The following CTNNA2 variants were observed in gnomAD, a reference collection of about 807,000 sequenced individuals.
CTNNA2 encodes the protein catenin alpha-2.
In CTNNA2, 42 loss-of-function variants were observed where a neutral mutation model predicts 101.0. That is an observed-to-expected ratio of 0.42 (90% CI 0.32 to 0.54). The LOEUF (loss-of-function observed/expected upper bound fraction) is 0.54, where lower values mean the gene tolerates loss of function less well. Among genes scored for constraint, CTNNA2 ranks in the 20% least tolerant of loss-of-function variants. The pLI is 0.14. For synonymous variants in CTNNA2, 450 were observed against 456.4 expected, an observed-to-expected ratio of 0.99 and a Z score of 0.18; for missense variants, 871 against 1,223.1, an observed-to-expected ratio of 0.71 and a Z score of 4.29.
chr2:80,525,205 T>G (rs1031349541), intron 9 of CTNNA2, among the ~76,000 whole-genome samples: 2 of 152,036 alleles, frequency 1.3e-5, no homozygotes, highest in African/African-American at 4.8e-5. Context: ...TAGAGTTTTT[T>G]TTTTTTAATA....
At chr2:79,808,407 T>C (rs1397918510) in intron 3 of CTNNA2, among the ~76,000 whole-genome samples, 2 of 152,192 alleles carry the variant, frequency 1.3e-5, no homozygotes, top group Non-Finnish European at 2.9e-5. Context: ...CAAAAATGGT[T>C]GGGCTCTACT....
chr2:79,495,434 T>A (rs2104568684), intron 4 of CTNNA2, among the ~76,000 whole-genome samples: 1 of 152,278 alleles, frequency 6.6e-6, no homozygotes, highest in African/African-American at 2.4e-5. Context: ...AAATCACACC[T>A]ATTAGGATGG....
At chr2:80,289,771 G>A (rs150953663) in intron 7 of CTNNA2, among the ~76,000 whole-genome samples, 25 of 152,300 alleles carry the variant, frequency 1.6e-4, no homozygotes, top group African/African-American at 6.0e-4. Flanking sequence ...ACTTGGGTCA[G>A]ACTGTGTTAT....
chr2:80,088,792 TAGA>T (rs376312513), intron 7 of CTNNA2, among the ~76,000 whole-genome samples: 29 of 152,192 alleles, frequency 1.9e-4, no homozygotes, highest in Middle Eastern at 3.4e-3. Context: ...ACTTTATCTT[TAGA>T]AGAAGAAGAA....
intron 7 of CTNNA2, among the ~76,000 whole-genome samples, chr2:80,290,100 CT>C (rs1347535246): frequency 5.3e-5 from 8 of 152,236 alleles, no homozygotes; most frequent in Middle Eastern, 6.8e-3. Flanking sequence ...TTACCAGATC[CT>C]TGTGAAGCAG....
chr2:80,059,795 A>C (rs1230091196), intron 7 of CTNNA2, among the ~76,000 whole-genome samples: 1 of 152,160 alleles, frequency 6.6e-6, no homozygotes, highest in East Asian at 1.9e-4. Flanking sequence ...AAGCCTGACA[A>C]ACTTAAACAA....
chr2:80,519,748 C>A (rs556326948), intron 9 of CTNNA2, among the ~76,000 whole-genome samples: 1 of 152,194 alleles, frequency 6.6e-6, no homozygotes, highest in Non-Finnish European at 1.5e-5. Context: ...TCTTTACTTT[C>A]CTGCTGAAAT....
At chr2:80,415,295 T>C (rs988499173) in intron 8 of CTNNA2, among the ~76,000 whole-genome samples, 1 of 152,150 alleles carries the variant, frequency 6.6e-6, no homozygotes, top group Non-Finnish European at 1.5e-5. Context: ...GGCTTGCCCC[T>C]GGGAGTCTTT....
intron 7 of CTNNA2, among the ~76,000 whole-genome samples, chr2:80,113,396 A>C (rs1250695759): frequency 2.0e-5 from 3 of 152,184 alleles, no homozygotes; most frequent in Non-Finnish European, 1.5e-5. Flanking sequence ...TTCAGTAAAC[A>C]GTTCTTGGTG....
At chr2:80,078,539 G>A (rs1484150336) in intron 7 of CTNNA2, among the ~76,000 whole-genome samples, 1 of 152,180 alleles carries the variant, frequency 6.6e-6, no homozygotes, top group East Asian at 1.9e-4. Context: ...GAACAGCCCC[G>A]CGGGCATCTG....
chr2:79,897,219 C>G (rs1684776264), intron 6 of CTNNA2, among the ~76,000 whole-genome samples: 5 of 151,232 alleles, frequency 3.3e-5, no homozygotes, highest in Admixed American at 3.3e-4. Flanking sequence ...CTTGTCGGGT[C>G]CTAGATAATA....
rs575015327 is a variant in CTNNA2, at chr2:79,597,334, T to C, written c.-5-54218T>C. Among the ~76,000 whole-genome samples the C allele has an allele frequency of 2.0e-3, 307 of 151,646 alleles. 3 individuals carry two copies. The highest frequency in any genetic ancestry group is 7.2e-3 in the African/African-American group (296 of 41,330). ...AAAAATACAAAAAATTAGCCGGGCG[T>C]GGTGGCGGGCGCCCGTAGTCCCAGC... On this transcript the variant is annotated intron_variant, in intron 1 of 18. Coordinates refer to ENST00000402739, the MANE Select transcript of CTNNA2 (RefSeq NM_001282597.3).
Position 80,003,154 on chromosome 2 carries a change from C to T in CTNNA2, c.1056+93357C>T, listed in dbSNP as rs928778145. 7.0e-4 allele frequency among the ~76,000 whole-genome samples: 106 copies of T among 152,148 alleles called. 1 individual carries two copies. Among genetic ancestry groups the T allele is most frequent in the African/African-American group, 2.5e-3 (102 of 41,434 alleles). On this transcript the variant is annotated intron_variant, in intron 7 of 18. Coordinates refer to ENST00000402739, the MANE Select transcript of CTNNA2 (RefSeq NM_001282597.3). ...CCATCGTCACCACTGCTGTTGGACA[C>T]TGTGCCACCAGGACAGGTTTATATT...
chr2:79,438,788 A>G (rs960754136), intron 4 of CTNNA2, among the ~76,000 whole-genome samples: 1 of 152,244 alleles, frequency 6.6e-6, no homozygotes, highest in Non-Finnish European at 1.5e-5. Flanking sequence ...CAAAGAATGC[A>G]AACAAATGGG....
Position 80,496,386 on chromosome 2 carries a change from C to T in CTNNA2, c.1291-48596C>T, listed in dbSNP as rs966531934. On this transcript the variant is annotated intron_variant, in intron 9 of 18. Coordinates refer to ENST00000402739, the MANE Select transcript of CTNNA2 (RefSeq NM_001282597.3). ...AAGGCACTAATTAAGTATTAGTCTT[C>T]TTCACTGTCTTTTTTTTTTTTTTTT... Among the ~76,000 whole-genome samples the T allele has an allele frequency of 1.4e-4, 19 of 140,514 alleles. No individual in the cohort carries two copies. The South Asian group carries it at 3.9e-3, about 29-fold the overall frequency. 92.2% of individuals were successfully genotyped at this position (140,514 alleles called of 152,430 possible).
Position 79,557,373 on chromosome 2 carries a change from G to A in CTNNA2, c.-6+44166G>A, listed in dbSNP as rs563019875. ...ATGTGATGAGTGAGCTCTGAATGCTGGAATTTAAGCTAGTATCCACAAGAG... is the reference window on the plus strand; with the variant it reads ...ATGTGATGAGTGAGCTCTGAATGCTAGAATTTAAGCTAGTATCCACAAGAG... On this transcript the variant is annotated intron_variant, in intron 1 of 18. Coordinates refer to ENST00000402739, the MANE Select transcript of CTNNA2 (RefSeq NM_001282597.3). 3.3e-5 allele frequency among the ~76,000 whole-genome samples: 5 copies of A among 151,874 alleles called. No homozygotes were observed. In the South Asian group the frequency reaches 1.0e-3, roughly 31 times the overall value.
chr2:79,525,059 A>G (rs983914125), intron 1 of CTNNA2, among the ~76,000 whole-genome samples: 2 of 151,810 alleles, frequency 1.3e-5, no homozygotes, highest in Non-Finnish European at 2.9e-5. Context: ...TATCCAAGTG[A>G]CTTTATTGTT....
intron 2 of CTNNA2, among the ~76,000 whole-genome samples, chr2:79,292,126 A>G (rs1170031178): frequency 6.6e-6 from 1 of 152,204 alleles, no homozygotes; most frequent in Admixed American, 6.5e-5. Context: ...TTCAGCTCTC[A>G]TCTTTCTGGG....
intron 17 of CTNNA2, among the ~76,000 whole-genome samples, chr2:80,608,887 A>G (rs1698239192): frequency 1.3e-5 from 2 of 151,828 alleles, no homozygotes; most frequent in South Asian, 2.1e-4. Flanking sequence ...TTCTTTGCTC[A>G]ATCACTGCAG....
Sources: gnomAD v4.1 joint callset for allele counts (sites outside exome capture counted in the v4.1 genomes callset) on GRCh38, gnomAD v4.1.1 for gene constraint, MANE v1.5 for transcripts, NCBI Gene and HGNC (gene_info 2026-07-23, HGNC 2026-07-21) for gene names.